CTNNA2: variants seen among roughly 807,000 people sequenced by gnomAD.
CTNNA2 encodes catenin alpha 2.
Under a neutral mutation model 101.0 loss-of-function variants are expected in CTNNA2, and 42 were observed. The ratio of observed to expected loss-of-function variants is 0.42; its 90% CI spans 0.32 to 0.54. The LOEUF (loss-of-function observed/expected upper bound fraction) is 0.54. Ranked by LOEUF, CTNNA2 falls within the 20% of genes least tolerant of loss-of-function variation. CTNNA2 has a pLI of 0.14. For missense variants in CTNNA2, 871 were observed against 1,223.1 expected, an observed-to-expected ratio of 0.71 and a Z score of 4.29; for synonymous variants, 450 against 456.4, an observed-to-expected ratio of 0.99 and a Z score of 0.18.
At chr2:79,452,766 G>A (rs893860886) in intron 4 of CTNNA2, among the ~76,000 whole-genome samples, 4 of 151,944 alleles carry the variant, frequency 2.6e-5, no homozygotes, top group Non-Finnish European at 5.9e-5. Flanking sequence ...AGATTGAACT[G>A]GGCATTCACA....
chr2:79,354,526 TG>T, intron 3 of CTNNA2, among the ~76,000 whole-genome samples: 1 of 152,330 alleles, frequency 6.6e-6, no homozygotes, highest in East Asian at 1.9e-4. Context: ...CAGTTCCATT[TG>T]TTCAATTTTG....
chr2:79,704,883 C>T (rs1225980168), intron 2 of CTNNA2, among the ~76,000 whole-genome samples: 1 of 152,146 alleles, frequency 6.6e-6, no homozygotes, highest in East Asian at 1.9e-4. Flanking sequence ...GTCTACATTT[C>T]TACAATGAGT....
chr2:79,715,002 C>G (rs529603373), intron 2 of CTNNA2, among the ~76,000 whole-genome samples: 2 of 147,228 alleles, frequency 1.4e-5, no homozygotes, highest in East Asian at 2.0e-4. Flanking sequence ...ACCAGCCTGG[C>G]CAACATGGTG....
chr2:79,401,068 G>C (rs1047378936), intron 4 of CTNNA2, among the ~76,000 whole-genome samples: 1 of 151,656 alleles, frequency 6.6e-6, no homozygotes, highest in Non-Finnish European at 1.5e-5. Context: ...TTTACCACTA[G>C]CAGTATAAAA....
rs1046832851 is a variant in CTNNA2 at position 80,358,321 on chromosome 2, GTTC to G, written c.1057-34888_1057-34886del. On this transcript the variant is annotated intron_variant, in intron 7 of 18. Coordinates refer to ENST00000402739, the MANE Select transcript of CTNNA2 (RefSeq NM_001282597.3). ...TTTTGCTAAATAAATGTATGAATGA[GTTC>G]TACGTCAGTAGTATTCTACTTTTTT... Among the ~76,000 whole-genome samples the G allele has an allele frequency of 2.1e-5, 3 of 144,434 alleles. No homozygotes were observed. The Admixed American group carries it at 2.1e-4, about 10-fold the overall frequency. The allele number at this position is 144,434 out of a possible 152,430, so 94.8% of individuals were successfully genotyped here.
chr2:80,374,437 ATCT>A (rs1262424387), intron 7 of CTNNA2, among the ~76,000 whole-genome samples: 1 of 152,174 alleles, frequency 6.6e-6, no homozygotes, highest in Non-Finnish European at 1.5e-5. Flanking sequence ...TATGTAACAC[ATCT>A]TCTTTAACCA....
intron 7 of CTNNA2, among the ~76,000 whole-genome samples, chr2:80,132,905 CAT>C: frequency 6.6e-6 from 1 of 152,198 alleles, no homozygotes; most frequent in African/African-American, 2.4e-5. Context: ...AATCATGACT[CAT>C]ATGGATATAA....
At chr2:79,323,881 C>T (rs543979514) in intron 3 of CTNNA2, among the ~76,000 whole-genome samples, 1 of 151,944 alleles carries the variant, frequency 6.6e-6, no homozygotes, top group South Asian at 2.1e-4. Flanking sequence ...GGTCAGGATG[C>T]CTGGAACAAT....
intron 4 of CTNNA2, among the ~76,000 whole-genome samples, chr2:79,468,972 A>G (rs1670968571): frequency 6.6e-6 from 1 of 152,200 alleles, no homozygotes; most frequent in African/African-American, 2.4e-5. Flanking sequence ...TGAAAGAACT[A>G]GAGAAGCAAG....
At chr2:80,146,129 A>G (rs896807408) in intron 7 of CTNNA2, among the ~76,000 whole-genome samples, 4 of 152,202 alleles carry the variant, frequency 2.6e-5, no homozygotes, top group Admixed American at 2.6e-4. Context: ...AGGTGCTCCA[A>G]TGGACAGCCC....
intron 7 of CTNNA2, chr2:80,288,765 G>A (rs980688426): frequency 6.6e-6 from 1 of 152,084 alleles, no homozygotes; most frequent in Non-Finnish European, 1.5e-5. Flanking sequence ...CAAAGAGCTG[G>A]GCCTGGTAGA....
intron 4 of CTNNA2, among the ~76,000 whole-genome samples, chr2:79,488,359 T>C (rs1298526004): frequency 6.9e-6 from 1 of 145,670 alleles, no homozygotes; most frequent in Non-Finnish European, 1.5e-5. Context: ...TTCAAACACA[T>C]GTGTGGCCTT....
intron 1 of CTNNA2, among the ~76,000 whole-genome samples, chr2:79,596,406 G>A (rs1677192604): frequency 6.6e-6 from 1 of 152,062 alleles, no homozygotes; most frequent in African/African-American, 2.4e-5. Flanking sequence ...AGTTCCCCAC[G>A]AAGAGAAAAG....
At chr2:80,346,634 G>A (rs1390610028) in intron 7 of CTNNA2, among the ~76,000 whole-genome samples, 1 of 152,046 alleles carries the variant, frequency 6.6e-6, no homozygotes, top group Non-Finnish European at 1.5e-5. Flanking sequence ...CTCAGCATCG[G>A]AGTGCCTGAT....
intron 1 of CTNNA2, among the ~76,000 whole-genome samples, chr2:79,609,750 C>CA (rs1416265788): frequency 7.9e-5 from 12 of 151,630 alleles, no homozygotes; most frequent in Non-Finnish European, 7.4e-5. Flanking sequence ...ATCCATATGC[C>CA]AAAAAAATGA....
chr2:79,881,855 G>T (rs1339962924), intron 6 of CTNNA2, among the ~76,000 whole-genome samples: 2 of 148,882 alleles, frequency 1.3e-5, no homozygotes, highest in East Asian at 2.0e-4. Context: ...CATCATGATG[G>T]TATTTGGTTC....
intron 7 of CTNNA2, among the ~76,000 whole-genome samples, chr2:79,988,526 A>T (rs1691935422): frequency 6.6e-6 from 1 of 151,900 alleles, no homozygotes; most frequent in African/African-American, 2.4e-5. Flanking sequence ...GAGGAGCCAC[A>T]CTAAATGCTA....
At chr2:79,433,714 G>A (rs1678681155) in intron 4 of CTNNA2, among the ~76,000 whole-genome samples, 3 of 148,988 alleles carry the variant, frequency 2.0e-5, no homozygotes, top group African/African-American at 7.4e-5. Context: ...CAGAAAACTT[G>A]TAATATGATT....
chr2:79,459,529 C>T (rs1271370104), intron 4 of CTNNA2, among the ~76,000 whole-genome samples: 1 of 151,830 alleles, frequency 6.6e-6, no homozygotes, highest in African/African-American at 2.4e-5. Context: ...TTTTAAATTC[C>T]TTTAGAATTA....
Sources: gnomAD v4.1 joint callset for allele counts (sites outside exome capture counted in the v4.1 genomes callset) on GRCh38, gnomAD v4.1.1 for gene constraint, MANE v1.5 for transcripts, NCBI Gene and HGNC (gene_info 2026-07-23, HGNC 2026-07-21) for gene names.